TJP1: variants seen among roughly 807,000 people sequenced by gnomAD.
TJP1 encodes the protein tight junction protein 1.
A neutral mutation model predicts 194.2 loss-of-function variants in TJP1; 43 were observed. The ratio of observed to expected loss-of-function variants is 0.22; its 90% confidence interval spans 0.17 to 0.29. The LOEUF is 0.29. Among genes scored for constraint, TJP1 ranks in the 10% least tolerant of loss-of-function variants. The probability of loss-of-function intolerance (pLI) is 1.00; values close to 1 mark genes in which losing one functional copy is unlikely to be tolerated. For missense variants in TJP1, 1,971 were observed against 2,185.7 expected, an observed-to-expected ratio of 0.90 and a Z score of 1.96; for synonymous variants, 801 against 779.0, an observed-to-expected ratio of 1.03 and a Z score of -0.47.
intron 2 of TJP1, among the ~76,000 whole-genome samples, chr15:29,904,317 T>A (rs2152206535): frequency 6.6e-6 from 1 of 152,250 alleles, no homozygotes; most frequent in African/African-American, 2.4e-5. Context: ...ATAATCCTTG[T>A]GAGAGACAAA....
At chr15:29,772,651 G>A (rs2046766616) in intron 3 of TJP1, among the ~76,000 whole-genome samples, 2 of 152,276 alleles carry the variant, frequency 1.3e-5, no homozygotes, top group South Asian at 4.1e-4. Flanking sequence ...GGAGGCTTCT[G>A]AAGGCTAGAT....
chr15:29,761,188 C>T lies in TJP1; in HGVS notation c.961G>A (p.Glu321Lys), dbSNP rs750519055. Reference sequence around the variant, plus strand: ...GAGTGCCTGGAATGATCAGAAGGCTCTGACCGCTGGTCAGGAGATCGTGAC... The same window carrying T: ...GAGTGCCTGGAATGATCAGAAGGCTTTGACCGCTGGTCAGGAGATCGTGAC... ...SRSRSPDQRS[E>K]PSDHSRHSPQ... Residue 321 changes from glutamate (E) to lysine (K), a missense_variant, in exon 8 of 28, where the codon GAG (glutamate) becomes AAG (lysine). Physicochemically the swap from Glu to Lys is moderately conservative, Grantham distance 56 (BLOSUM62 1). Around this residue, in one of 5 missense-constraint regions of TJP1, gnomAD observed 192 missense variants for 182.3 expected, o/e 1.05. Transcript: ENST00000614355. 8.7e-6 allele frequency: 14 copies of T among 1,613,800 alleles called. No individual in the cohort carries two copies. In the Admixed American group the frequency reaches 1.8e-4, roughly 21 times the overall value.
chr15:29,920,209 C>A (rs2054312956), intron 2 of TJP1, among the ~76,000 whole-genome samples: 1 of 152,174 alleles, frequency 6.6e-6, no homozygotes, highest in Non-Finnish European at 1.5e-5. Context: ...TAGGTCAAAA[C>A]CAAACGTAAA....
At chr15:29,945,776 A>AAC (rs371167321) in intron 2 of TJP1, among the ~76,000 whole-genome samples, 25,864 of 149,996 alleles carry the variant, frequency 0.17, 2,295 homozygotes, top group East Asian at 0.3. Flanking sequence ...AAGGCTATTA[A>AAC]ACACACACAC....
intron 13 of TJP1, 96 bp downstream of exon 13, chr15:29,732,998 A>G (rs1365419053): frequency 7.2e-7 from 1 of 1,388,292 alleles, no homozygotes; most frequent in Admixed American, 2.1e-5. Context: ...ACAATGAAAA[A>G]GAATTCTTTA....
chr15:29,895,969 G>A (rs1303164829), intron 2 of TJP1, among the ~76,000 whole-genome samples: 1 of 152,202 alleles, frequency 6.6e-6, no homozygotes, highest in Non-Finnish European at 1.5e-5. Flanking sequence ...CTCACGTGAT[G>A]TAAGGAGGCA....
intron 1 of TJP1, among the ~76,000 whole-genome samples, chr15:29,820,066 A>T (rs1419537278): frequency 2.0e-5 from 3 of 152,202 alleles, no homozygotes; most frequent in Non-Finnish European, 4.4e-5. Flanking sequence ...ACCATTATAA[A>T]GAAAACCGAA....
At position 29,889,858 on chromosome 15, in the gene TJP1, T is replaced by C. The variant is rs551568948; in HGVS notation, c.306+66374A>G. The stretch of plus-strand genomic sequence containing the variant: ...TTAGTAAATGGCTTACTAAACTACT[T>C]AGTAAACGACTAAGTCTTTGGTAAA... On this transcript the variant is annotated intron_variant, in intron 2 of 28. Coordinates refer to the TJP1 transcript ENST00000356107. Among the ~76,000 whole-genome samples the C allele has an allele frequency of 7.2e-5, 11 of 152,366 alleles. 1 individual carries two copies. The South Asian group carries it at 2.3e-3, about 32-fold the overall frequency.
At chr15:29,922,112 G>A (rs2054384700) in intron 2 of TJP1, among the ~76,000 whole-genome samples, 1 of 152,098 alleles carries the variant, frequency 6.6e-6, no homozygotes, top group South Asian at 2.1e-4. Flanking sequence ...CTCCCAAAGT[G>A]TCGGGATTAC....
chr15:29,914,167 T>A (rs890254732), intron 2 of TJP1, among the ~76,000 whole-genome samples: 2 of 152,196 alleles, frequency 1.3e-5, no homozygotes, highest in South Asian at 4.1e-4. Flanking sequence ...GACTTGAGGA[T>A]TTTTGTAAGT....
At chr15:29,806,478 C>T (rs1567065848) in intron 1 of TJP1, among the ~76,000 whole-genome samples, 2 of 152,254 alleles carry the variant, frequency 1.3e-5, no homozygotes, top group East Asian at 3.9e-4. Context: ...TGCAGTTCCC[C>T]ATTAGGAAAA....
At chr15:29,949,290 T>C (rs377561239) in intron 2 of TJP1, among the ~76,000 whole-genome samples, 166 of 15,484 alleles carry the variant, frequency 0.011, no homozygotes, top group Non-Finnish European at 0.014. Flanking sequence ...TCCACCGCCA[T>C]CACCTCCACC....
At chr15:29,805,605 C>T (rs2049060007) in intron 1 of TJP1, among the ~76,000 whole-genome samples, 2 of 152,170 alleles carry the variant, frequency 1.3e-5, no homozygotes, top group Admixed American at 1.3e-4. Flanking sequence ...AAAGGTCCCT[C>T]TCCCTCCCTA....
chr15:29,950,597 G>A (rs776323190), intron 2 of TJP1, among the ~76,000 whole-genome samples: 1 of 152,178 alleles, frequency 6.6e-6, no homozygotes, highest in Non-Finnish European at 1.5e-5. Flanking sequence ...CTGGTGATGG[G>A]AGAACTGGTG....
intron 1 of TJP1, among the ~76,000 whole-genome samples, chr15:29,966,576 AT>A (rs1274607737): frequency 6.6e-6 from 1 of 152,116 alleles, no homozygotes; most frequent in African/African-American, 2.4e-5. Context: ...CTAACATATT[AT>A]TTCCCAATCA....
intron 18 of TJP1, among the ~76,000 whole-genome samples, chr15:29,723,431 C>A (rs2043055390): frequency 1.3e-5 from 2 of 152,186 alleles, no homozygotes; most frequent in South Asian, 4.1e-4. Flanking sequence ...GTAAGACATG[C>A]TTTTTCCCCT....
At chr15:29,880,265 T>C (rs77483939) in intron 2 of TJP1, among the ~76,000 whole-genome samples, 124 of 152,294 alleles carry the variant, frequency 8.1e-4, no homozygotes, top group African/African-American at 2.9e-3. Context: ...CTTTGTTTAG[T>C]TTATTAAAAT....
At chr15:29,958,957 A>G (rs2056052866) in intron 1 of TJP1, among the ~76,000 whole-genome samples, 2 of 150,756 alleles carry the variant, frequency 1.3e-5, no homozygotes, top group South Asian at 4.2e-4. Context: ...TCTATGAATC[A>G]GTAAATTCTA....
intron 2 of TJP1, among the ~76,000 whole-genome samples, chr15:29,910,188 A>G (rs979996116): frequency 6.6e-6 from 1 of 152,258 alleles, no homozygotes; most frequent in African/African-American, 2.4e-5. Context: ...AATAGCCGGC[A>G]GTAGAAACAG....
Sources: gnomAD v4.1 joint callset for allele counts (sites outside exome capture counted in the v4.1 genomes callset) on GRCh38, gnomAD v4.1.1 for gene constraint, gnomAD v4.1.1 regional missense constraint, MANE v1.5 for transcripts, NCBI Gene and HGNC (gene_info 2026-07-23, HGNC 2026-07-21) for gene names.